Variants in LIN9 observed in about 807,000 individuals in gnomAD.
LIN9 encodes the protein protein lin-9 homolog.
In LIN9, 18 loss-of-function variants were observed where a neutral mutation model predicts 78.0. The ratio of observed to expected loss-of-function variants is 0.23; its 90% CI spans 0.16 to 0.34. The LOEUF (loss-of-function observed/expected upper bound fraction) is 0.34. LIN9 is among the 10% of genes least tolerant of loss of function. The pLI is 1.00. For missense variants in LIN9, 451 were observed against 644.1 expected (o/e 0.70, Z 3.25); for synonymous variants, 192 against 215.2 (o/e 0.89, Z 0.94).
Position 226,265,134 on chromosome 1 carries a change from TA to T in LIN9, c.1038+398del, listed in dbSNP as rs548018387. Among the ~76,000 whole-genome samples the T allele has an allele frequency of 4.3e-4, 66 of 152,284 alleles. 1 individual carries two copies. The East Asian group carries it at 0.013, about 29-fold the overall frequency. ...CCTGTTTCTAGTCTCTGAAAAGAAA[TA>T]AAATTTCTTCTAACCATATAAGCTA... On this transcript the variant is annotated intron_variant, in intron 10 of 14. Coordinates refer to ENST00000681046, the MANE Select transcript of LIN9 (RefSeq NM_001366245.2). This position sits in a 1 kb window ranked among gnomAD's most constrained non-coding sequence, Gnocchi z 4.1.
At chr1:226,283,781 C>T (rs1228510597) in intron 6 of LIN9, among the ~76,000 whole-genome samples, 1 of 152,006 alleles carries the variant, frequency 6.6e-6, no homozygotes, top group African/African-American at 2.4e-5. Context: ...AACCCCGTCT[C>T]TACTAAAAAT....
rs192469354 is a variant in LIN9, at chr1:226,290,783, G to A, written c.265-2986C>T. 3.0e-3 allele frequency among the ~76,000 whole-genome samples: 449 copies of A among 151,978 alleles called. 1 individual carries two copies. The highest frequency in any genetic ancestry group is 0.01 in the African/African-American group (423 of 41,432). ...TTTTAAAAAAATTTTTTAACACAGC[G>A]TCTTGCTCTGTCACCTAGGCTGCAG... is the stretch of plus-strand genomic sequence containing the variant. On this transcript the variant is annotated intron_variant, in intron 4 of 14. Transcript: ENST00000681046.
chr1:226,287,300 C>G (rs778455768), intron 5 of LIN9, among the ~76,000 whole-genome samples: 3 of 152,138 alleles, frequency 2.0e-5, no homozygotes, highest in Non-Finnish European at 4.4e-5. Context: ...GCCATTTTTA[C>G]CATTAGTAAT....
At chr1:226,269,429 A>C (rs1167845276) in intron 7 of LIN9, among the ~76,000 whole-genome samples, 1 of 152,214 alleles carries the variant, frequency 6.6e-6, no homozygotes, top group Non-Finnish European at 1.5e-5. Flanking sequence ...AGATTGTGAA[A>C]AACAACCATT....
At chr1:226,239,849 C>G (rs1657988463) in intron 11 of LIN9, among the ~76,000 whole-genome samples, 1 of 152,160 alleles carries the variant, frequency 6.6e-6, no homozygotes, top group Non-Finnish European at 1.5e-5. Flanking sequence ...AAATTATACT[C>G]TCCATTTCAT....
chr1:226,234,551 T>C (rs1056488423), intron 12 of LIN9, among the ~76,000 whole-genome samples: 1 of 152,214 alleles, frequency 6.6e-6, no homozygotes, highest in Middle Eastern at 3.2e-3. Flanking sequence ...GGGCACATTT[T>C]ACTTCCTTGG....
rs1317183378 is a variant in LIN9, at chr1:226,231,171, CAATT to C, written c.*1326_*1329del. ...ATAGAAAATAATAATTTTCATAGAT[CAATT>C]TATTTAGAATTACAAATATTAAGAA... On this transcript the variant is annotated 3_prime_UTR_variant, in exon 15 of 15. Transcript: ENST00000681046. The C allele has an allele frequency of 6.6e-6, 1 of 152,360 alleles. No homozygotes were observed. The highest frequency in any genetic ancestry group is 6.6e-5 in the Admixed American group (1 of 15,260). 9.4% of individuals were successfully genotyped at this position (152,360 alleles called of 1,614,324 possible).
intron 7 of LIN9, among the ~76,000 whole-genome samples, chr1:226,270,781 T>C (rs1033248755): frequency 8.2e-6 from 1 of 121,518 alleles, no homozygotes; most frequent in Non-Finnish European, 1.6e-5. Context: ...GCCAGGATAG[T>C]ACCACTGCAC....
rs190248633 is a variant in LIN9 at position 226,269,094 on chromosome 1, A to G, written c.683-1004T>C. ...AGCATGAGTAAAAAATTTAAGAACA[A>G]CAGCATTGATGGCTGTAAACTGGGC... is the stretch of plus-strand genomic sequence containing the variant. On this transcript the variant is annotated intron_variant, in intron 7 of 14. Transcript: ENST00000681046. Among the ~76,000 whole-genome samples the G allele has an allele frequency of 3.8e-4, 58 of 152,336 alleles. 1 individual carries two copies. The highest frequency in any genetic ancestry group is 1.3e-3 in the African/African-American group (53 of 41,584).
At chr1:226,295,988 TC>T (rs755750368) in intron 3 of LIN9, 42 bp from the exon 4 acceptor site, 1 of 1,391,034 alleles carries the variant, frequency 7.2e-7, no homozygotes, top group Non-Finnish European at 1.0e-6. Flanking sequence ...AGCCGAACCC[TC>T]CCATTTTTGT....
chr1:226,307,916 T>C (rs1341306713), intron 1 of LIN9, among the ~76,000 whole-genome samples: 1 of 152,240 alleles, frequency 6.6e-6, no homozygotes, highest in African/African-American at 2.4e-5. Flanking sequence ...GGGGACTTAG[T>C]GCTGCTCTCT....
rs541785187 is a variant in LIN9, at chr1:226,239,177, C to T, written c.1120-81G>A. 149 of 1,459,192 alleles carry T rather than the reference C, an allele frequency of 1.0e-4. 1 individual carries two copies. The African/African-American group carries it at 1.8e-3, about 18-fold the overall frequency. The allele number at this position is 1,459,192 out of a possible 1,614,324, so 90.4% of individuals were successfully genotyped here. On this transcript the variant is annotated intron_variant, in intron 11 of 14. Transcript: ENST00000681046. ...TTCAATGATCTAAAAGGAGATTTGA[C>T]TTATCTAAAAAGCAAACTAAAGGTT...
intron 3 of LIN9, among the ~76,000 whole-genome samples, chr1:226,296,754 C>A (rs1389198383): frequency 6.6e-6 from 1 of 152,106 alleles, no homozygotes; most frequent in African/African-American, 2.4e-5. Flanking sequence ...GGCACAGTGG[C>A]TCATGCCTAT....
intron 11 of LIN9, among the ~76,000 whole-genome samples, chr1:226,249,305 G>A (rs142299208): frequency 4.0e-4 from 61 of 152,300 alleles, no homozygotes; most frequent in Non-Finnish European, 7.6e-4. Flanking sequence ...CTATGTTTAA[G>A]ATATGTAATG....
chr1:226,238,951 A>C lies in LIN9; in HGVS notation c.1245+20T>G. 1 of 1,600,766 alleles carries C rather than the reference A, an allele frequency of 6.2e-7. No individual in the cohort carries two copies. The stretch of plus-strand genomic sequence containing the variant: ...AGCTTCAAATACAAATATGGAGGGA[A>C]ATCTATACATATCACTTACCTCATA... On this transcript the variant is annotated intron_variant, in intron 12 of 14. Coordinates refer to ENST00000681046, the MANE Select transcript of LIN9 (RefSeq NM_001366245.2).
intron 5 of LIN9, among the ~76,000 whole-genome samples, chr1:226,286,986 T>G (rs562639651): frequency 2.0e-5 from 3 of 152,166 alleles, no homozygotes; most frequent in Non-Finnish European, 4.4e-5. Context: ...GAACCAGTGT[T>G]GGCAATGATA....
rs1657390688 is a variant in LIN9 at position 226,232,337 on chromosome 1, A to G, written c.*164T>C. 4.7e-6 allele frequency: 2 copies of G among 429,250 alleles called. No individual in the cohort carries two copies. Among genetic ancestry groups the G allele is most frequent in the Non-Finnish European group, 8.3e-6 (2 of 242,308 alleles). 26.6% of individuals were successfully genotyped at this position (429,250 alleles called of 1,614,324 possible). On this transcript the variant is annotated 3_prime_UTR_variant, in exon 15 of 15. Coordinates refer to ENST00000681046, the MANE Select transcript of LIN9 (RefSeq NM_001366245.2). ...AAAAATAAATATAATGCTGGTCAGC[A>G]ATGCTGGTTTAAGAAGCAGTACAGT...
chr1:226,301,273 TG>T (rs1558209779), intron 1 of LIN9, 68 bp from the exon 2 acceptor site: 2 of 1,244,890 alleles, frequency 1.6e-6, no homozygotes, highest in South Asian at 2.5e-5. Context: ...GACCTTGGTT[TG>T]GGGGTAAAAG....
Position 226,251,017 on chromosome 1 carries a change from T to C in LIN9, c.1039-98A>G, listed in dbSNP as rs901109274. On this transcript the variant is annotated intron_variant, in intron 10 of 14. Coordinates refer to ENST00000681046, the MANE Select transcript of LIN9 (RefSeq NM_001366245.2). ...ATATTTTAGTAAGATACTTCAGCAA[T>C]AGATTTTAGTGTTTCAACATATATA... 43 of 621,646 alleles carry C rather than the reference T, an allele frequency of 6.9e-5. 1 individual carries two copies. In the Admixed American group the frequency reaches 1.0e-3, roughly 14 times the overall value. 38.5% of individuals were successfully genotyped at this position (621,646 alleles called of 1,614,324 possible).
Sources: gnomAD v4.1 joint callset for allele counts (sites outside exome capture counted in the v4.1 genomes callset) on GRCh38, gnomAD v4.1.1 for gene constraint, Gnocchi (gnomAD v3.1) non-coding constraint, MANE v1.5 for transcripts, NCBI Gene and HGNC (gene_info 2026-07-23, HGNC 2026-07-21) for gene names.